SHANK2: variants seen among roughly 807,000 people sequenced by gnomAD.
SHANK2 encodes SH3 and multiple ankyrin repeat domains 2, also known as SH3 and multiple ankyrin repeat domains protein 2.
Under a neutral mutation model 133.7 loss-of-function variants are expected in SHANK2, and 43 were observed. The observed-to-expected ratio is 0.32, with a 90% confidence interval of 0.25 to 0.41. The LOEUF (loss-of-function observed/expected upper bound fraction) is 0.41. Among genes scored for constraint, SHANK2 ranks in the 10% least tolerant of loss-of-function variants. The pLI is 1.00. For missense variants in SHANK2, 1,994 were observed against 2,235.8 expected (o/e 0.89, Z 2.18); for synonymous variants, 1,017 against 952.8 (o/e 1.07, Z -1.24).
At chr11:70,518,639 G>C (rs1261349125) in intron 17 of SHANK2, among the ~76,000 whole-genome samples, 1 of 152,198 alleles carries the variant, frequency 6.6e-6, no homozygotes, top group African/African-American at 2.4e-5. Context: ...ATTAGTGGTG[G>C]TCAGAGGCGG....
intron 14 of SHANK2, among the ~76,000 whole-genome samples, chr11:70,770,192 G>A (rs545111283): frequency 2.6e-4 from 39 of 152,302 alleles, no homozygotes; most frequent in East Asian, 1.2e-3. Flanking sequence ...CTCTGCTGCC[G>A]CCCACTTGAT....
At chr11:71,159,429 C>T (rs1383461609) in intron 2 of SHANK2, among the ~76,000 whole-genome samples, 3 of 152,206 alleles carry the variant, frequency 2.0e-5, no homozygotes, top group African/African-American at 7.2e-5. Context: ...TTCCTCCCAT[C>T]TCAAGATCCT....
rs1555114773 is a variant in SHANK2 at position 71,188,085 on chromosome 11, G to A, written c.-13+36612C>T. ...AAAGGTCAGACCCCACACAGTCCTTGCCACCACACATCTGCTCCTCCCATT... is the reference window on the plus strand; with the variant it reads ...AAAGGTCAGACCCCACACAGTCCTTACCACCACACATCTGCTCCTCCCATT... On this transcript the variant is annotated intron_variant, in intron 2 of 25. Transcript: ENST00000601538. This position sits in a 1 kb window ranked among gnomAD's most constrained non-coding sequence, Gnocchi z 4.6. Among the ~76,000 whole-genome samples the A allele has an allele frequency of 6.6e-6, 1 of 152,124 alleles. No homozygotes were observed. Among genetic ancestry groups the A allele is most frequent in the Non-Finnish European group, 1.5e-5 (1 of 68,010 alleles).
chr11:70,760,689 G>A (rs1470207108), intron 14 of SHANK2, among the ~76,000 whole-genome samples: 1 of 152,218 alleles, frequency 6.6e-6, no homozygotes, highest in Non-Finnish European at 1.5e-5. Flanking sequence ...GCTCGGGAAG[G>A]CCCCATGGTG....
intron 14 of SHANK2, among the ~76,000 whole-genome samples, chr11:70,788,416 A>T (rs1433310886): frequency 2.6e-5 from 4 of 152,226 alleles, no homozygotes; most frequent in Non-Finnish European, 4.4e-5. Context: ...TTTCAATTGC[A>T]TGCCATTCTG....
intron 2 of SHANK2, among the ~76,000 whole-genome samples, chr11:71,206,956 C>T (rs1954138613): frequency 6.6e-6 from 1 of 152,022 alleles, no homozygotes; most frequent in Admixed American, 6.6e-5. Context: ...CATGGTTGTG[C>T]ATGCCTGTAG....
intron 2 of SHANK2, among the ~76,000 whole-genome samples, chr11:71,165,342 T>A (rs1953120345): frequency 6.6e-6 from 1 of 152,182 alleles, no homozygotes; most frequent in African/African-American, 2.4e-5. Flanking sequence ...CCTTGTCTTG[T>A]TTTCTTAAGA....
rs376444967 is a variant in SHANK2, at chr11:70,534,869, G to A, written c.2062-31938C>T. On this transcript the variant is annotated intron_variant, in intron 17 of 25. Transcript: ENST00000601538. Reference sequence around the variant, plus strand: ...CTTTCCCTTGACTGTCTGCCTCACCGAGAGTGCAGTCAGGCCATGAAGCTG... The same window carrying A: ...CTTTCCCTTGACTGTCTGCCTCACCAAGAGTGCAGTCAGGCCATGAAGCTG... Among the ~76,000 whole-genome samples the A allele has an allele frequency of 1.5e-3, 223 of 152,290 alleles. 4 individuals carry two copies. In the South Asian group the frequency reaches 0.044, roughly 30 times the overall value.
chr11:70,945,380 C>T (rs1487878251), intron 10 of SHANK2, among the ~76,000 whole-genome samples: 1 of 152,032 alleles, frequency 6.6e-6, no homozygotes, highest in Non-Finnish European at 1.5e-5. Flanking sequence ...TCAGCAAGGC[C>T]CCCACCAGCC....
chr11:70,617,890 A>T (rs1433666280), intron 17 of SHANK2, among the ~76,000 whole-genome samples: 4 of 152,172 alleles, frequency 2.6e-5, no homozygotes, highest in African/African-American at 9.7e-5. Flanking sequence ...CTAATGCTAA[A>T]TGACGAGTTA....
chr11:70,760,370 T>A (rs188089733), intron 14 of SHANK2, among the ~76,000 whole-genome samples: 146 of 152,356 alleles, frequency 9.6e-4, no homozygotes, highest in Admixed American at 2.1e-3. Flanking sequence ...GTCTCCCTTC[T>A]AAATTTATAA....
chr11:70,654,772 G>GTT (rs576038066), intron 17 of SHANK2, among the ~76,000 whole-genome samples: 12 of 119,648 alleles, frequency 1.0e-4, no homozygotes, highest in South Asian at 2.7e-4. Flanking sequence ...TGTTTTTTTT[G>GTT]TTTTTTTTTT....
chr11:70,622,824 C>G (rs1184828817), intron 17 of SHANK2, among the ~76,000 whole-genome samples: 2 of 152,176 alleles, frequency 1.3e-5, no homozygotes, highest in Non-Finnish European at 2.9e-5. Flanking sequence ...GAACAACACA[C>G]ACGCGCAAGC....
rs555574280 is a variant in SHANK2, at chr11:70,664,139, T to G, written c.1854-2461A>C. ...CTACTGCCATGGATTTAGGGGTCCA[T>G]GAGGCATTGATGAGCAGACCCTCTA... On this transcript the variant is annotated intron_variant, in intron 15 of 25. Coordinates refer to ENST00000601538, the MANE Select transcript of SHANK2 (RefSeq NM_012309.5). Among the ~76,000 whole-genome samples the G allele has an allele frequency of 2.6e-5, 4 of 152,290 alleles. No individual in the cohort carries two copies. In the East Asian group the frequency reaches 5.8e-4, roughly 22 times the overall value.
intron 3 of SHANK2, among the ~76,000 whole-genome samples, chr11:71,126,956 C>T (rs1369825165): frequency 6.6e-6 from 1 of 152,124 alleles, no homozygotes; most frequent in Non-Finnish European, 1.5e-5. Context: ...CTGCCCACCT[C>T]GGCCTCCCAA....
At position 70,468,851 on chromosome 11, in the gene SHANK2, A is replaced by G. The variant is rs972533347; in HGVS notation, c.*4018T>C. Reference sequence around the variant, plus strand: ...CAAGTTTTCACTGGTGAGGCCAAAGAAGAAGTTCAACGTTTAGGTTTAAAA... The same window carrying G: ...CAAGTTTTCACTGGTGAGGCCAAAGGAGAAGTTCAACGTTTAGGTTTAAAA... On this transcript the variant is annotated 3_prime_UTR_variant, in exon 26 of 26. Coordinates refer to ENST00000601538, the MANE Select transcript of SHANK2 (RefSeq NM_012309.5). 6 of 152,258 alleles carry G rather than the reference A, an allele frequency of 3.9e-5. No homozygotes were observed. Among genetic ancestry groups the G allele is most frequent in the Non-Finnish European group, 8.8e-5 (6 of 68,048 alleles). 9.4% of individuals were successfully genotyped at this position (152,258 alleles called of 1,614,324 possible).
At chr11:70,674,764 G>A (rs1746582749) in intron 15 of SHANK2, among the ~76,000 whole-genome samples, 2 of 152,240 alleles carry the variant, frequency 1.3e-5, no homozygotes, top group Non-Finnish European at 2.9e-5. Flanking sequence ...TACTCACTCT[G>A]CTAGTTGTGG....
At position 70,709,704 on chromosome 11, in the gene SHANK2, C is replaced by T. The variant is rs190167094; in HGVS notation, c.1778-10941G>A. ...CACACTCAGTGTTGGGCCGATGGAG[C>T]GTGTGGCCGTGGCAGAGACAGCTGG... On this transcript the variant is annotated intron_variant, in intron 14 of 25. Transcript: ENST00000601538. Among the ~76,000 whole-genome samples, 18 of 152,242 alleles carry T rather than the reference C, an allele frequency of 1.2e-4. 1 individual carries two copies. Among genetic ancestry groups the T allele is most frequent in the Admixed American group, 7.8e-4 (12 of 15,296 alleles).
intron 14 of SHANK2, among the ~76,000 whole-genome samples, chr11:70,769,527 C>T (rs979091502): frequency 2.0e-5 from 3 of 151,714 alleles, no homozygotes; most frequent in Non-Finnish European, 2.9e-5. Flanking sequence ...GCTCAACAGA[C>T]GTGATGCATA....
Sources: allele counts gnomAD v4.1 joint callset (sites outside exome capture counted in the v4.1 genomes callset), GRCh38; gene constraint gnomAD v4.1.1; non-coding constraint Gnocchi (gnomAD v3.1); transcripts MANE v1.5; gene names NCBI Gene and HGNC (gene_info 2026-07-23, HGNC 2026-07-21).